Variants in ARMC5 observed in about 807,000 individuals in gnomAD.
ARMC5 encodes the protein armadillo repeat-containing protein 5.
In ARMC5, 28 loss-of-function variants were observed where a neutral mutation model predicts 60.5. That is an observed-to-expected ratio of 0.46 (90% CI 0.34 to 0.63). The LOEUF is 0.63. Ranked by LOEUF, ARMC5 falls within the 30% of genes least tolerant of loss-of-function variation. The pLI is 0.01. For synonymous variants in ARMC5, 680 were observed against 607.3 expected (o/e 1.12, Z -1.76); for missense variants, 1,189 against 1,304.9 (o/e 0.91, Z 1.37).
chr16:31,466,440 A>T lies in ARMC5; in HGVS notation c.2359A>T (p.Met787Leu), dbSNP rs1417024313. 4 of 1,611,890 alleles carry T rather than the reference A, an allele frequency of 2.5e-6. No individual in the cohort carries two copies. The highest frequency in any genetic ancestry group is 2.5e-6 in the Non-Finnish European group (3 of 1,179,850). ...LLSGSFAEAQ[M>L]DLVPLRGLSP... ...GTCAGGCAGCTTTGCAGAAGCCCAGATGGACCTGGTGCCCCTGCGAGGTCT... is the reference window on the plus strand; with the variant it reads ...GTCAGGCAGCTTTGCAGAAGCCCAGTTGGACCTGGTGCCCCTGCGAGGTCT... The change falls in exon 6 of 6, where the codon ATG becomes TTG. Residue 787 changes from methionine (M) to leucine (L), a missense_variant. Physicochemically the swap from Met to Leu is conservative, Grantham distance 15. Transcript: ENST00000268314. The surrounding 1 kb of genome is among the most constrained non-coding windows in gnomAD (Gnocchi z 8.0).
rs765443482 is a variant in ARMC5, at chr16:31,466,040, C to T, written c.1998-39C>T. ...GGGAGGAGTGCTGTGTTTCCCAGGC[C>T]CGTTGCCCACCTTTTGAAAGGCCCT... On this transcript the variant is annotated intron_variant, in intron 5 of 5. Coordinates refer to ENST00000268314, the MANE Select transcript of ARMC5 (RefSeq NM_001105247.2). The surrounding 1 kb of genome is among the most constrained non-coding windows in gnomAD (Gnocchi z 8.0). The T allele has an allele frequency of 6.3e-7, 1 of 1,591,988 alleles. No individual in the cohort carries two copies. The highest frequency in any genetic ancestry group is 8.5e-7 in the Non-Finnish European group (1 of 1,175,346).
chr16:31,460,101 C>A, intron 1 of ARMC5, 102 bp downstream of exon 1: 1 of 1,297,724 alleles, frequency 7.7e-7, no homozygotes, highest in Non-Finnish European at 1.1e-6. Flanking sequence ...CCCGGAATAA[C>A]GTGCTTTGTG....
chr16:31,465,574 C>G (rs922860019), intron 4 of ARMC5: 1 of 1,264,394 alleles, frequency 7.9e-7, no homozygotes, highest in Non-Finnish European at 1.0e-6. Flanking sequence ...TTGTATTATA[C>G]TGGAACAGCT....
upstream of ARMC5, chr16:31,458,725 A>AGG (rs1340454933): frequency 2.0e-6 from 3 of 1,469,140 alleles, no homozygotes; most frequent in African/African-American, 4.2e-5. Context: ...CTCGCAATCC[A>AGG]GGGGTGACCT....
Position 31,462,024 on chromosome 16 carries a change from G to C in ARMC5, c.578G>C (p.Cys193Ser). 1 of 1,614,176 alleles carries C rather than the reference G, an allele frequency of 6.2e-7. No individual in the cohort carries two copies. The highest frequency in any genetic ancestry group is 8.5e-7 in the Non-Finnish European group (1 of 1,180,002). Residue 193 changes from cysteine (C) to serine (S), a missense_variant, in exon 2 of 6, where the codon TGT (cysteine) becomes TCT (serine). By Grantham distance (112) the Cys-to-Ser change is moderately radical. This residue lies in a region of ARMC5 where 862 missense variants were observed against 1,071.2 expected (regional missense o/e 0.80). Transcript: ENST00000268314. The surrounding 1 kb of genome is among the most constrained non-coding windows in gnomAD (Gnocchi z 7.2). ...MEPESCGDIHCAGAVPLLVES... is the reference protein window; with the variant it reads ...MEPESCGDIHSAGAVPLLVES... ...CCTGAGAGCTGTGGGGACATCCACT[G>C]TGCTGGTAAGAGGCTGTGAGGTTGG...
Position 31,465,870 on chromosome 16 carries a change from C to G in ARMC5, c.1885C>G (p.Leu629Val), listed in dbSNP as rs778930011. Residue 629 changes from leucine to valine, a missense_variant, in exon 5 of 6, where the codon CTG becomes GTG. Coordinates refer to ENST00000268314, the MANE Select transcript of ARMC5 (RefSeq NM_001105247.2). Reference sequence around the variant, plus strand: ...CACAGGGGAGAGGCTACTGCAGAACCTGACGGTTCAGGCTGAGTCGCCCTT... The same window carrying G: ...CACAGGGGAGAGGCTACTGCAGAACGTGACGGTTCAGGCTGAGTCGCCCTT... Reference protein sequence around the residue: ...RELGERLLQNLTVQAESPFGV... With the variant: ...RELGERLLQNVTVQAESPFGV... 4.3e-6 allele frequency: 7 copies of G among 1,609,694 alleles called. No individual in the cohort carries two copies. Among genetic ancestry groups the G allele is most frequent in the Non-Finnish European group, 5.9e-6 (7 of 1,179,850 alleles).
intron 1 of ARMC5, among the ~76,000 whole-genome samples, chr16:31,461,588 A>G (rs1596601816): frequency 6.6e-6 from 1 of 152,056 alleles, no homozygotes; most frequent in Non-Finnish European, 1.5e-5. Flanking sequence ...GCTTACTGCA[A>G]CCTCTGCCTC....
At chr16:31,459,268 G>C (rs1211183657), upstream of ARMC5, 1 of 1,533,970 alleles carries the variant, frequency 6.5e-7, no homozygotes, top group Non-Finnish European at 8.7e-7. Context: ...CCCGAGGTAG[G>C]CGTGAGAAGC....
Position 31,466,075 on chromosome 16 carries a change from G to T in ARMC5, c.1998-4G>T. ...CCTTTTGAAAGGCCCTCTCTTCCCTGTAGGAAGCCCTCTCTGTGGCGCCGG... is the reference window on the plus strand; with the variant it reads ...CCTTTTGAAAGGCCCTCTCTTCCCTTTAGGAAGCCCTCTCTGTGGCGCCGG... On this transcript the variant is annotated splice_polypyrimidine_tract_variant and splice_region_variant and intron_variant, in intron 5 of 5. Coordinates refer to ENST00000268314, the MANE Select transcript of ARMC5 (RefSeq NM_001105247.2). The surrounding 1 kb of genome is among the most constrained non-coding windows in gnomAD (Gnocchi z 8.0). 6.3e-7 allele frequency: 1 copy of T among 1,597,248 alleles called. No individual in the cohort carries two copies. Among genetic ancestry groups the T allele is most frequent in the Non-Finnish European group, 8.5e-7 (1 of 1,178,048 alleles).
In ARMC5 at chr16:31,466,184, C is replaced by G; in HGVS notation, c.2103C>G (p.Ala701=). The change falls in exon 6 of 6, where the codon GCC becomes GCG. Residue 701 remains alanine, a synonymous_variant. Coordinates refer to ENST00000268314, the MANE Select transcript of ARMC5 (RefSeq NM_001105247.2). The surrounding 1 kb of genome is among the most constrained non-coding windows in gnomAD (Gnocchi z 8.0). ...PAPHPLFLFF[A]ADSLSCLQDL... is the part of the protein sequence containing the mutation. ...CACACCCGCTCTTCCTCTTCTTTGC[C>G]GCGGACTCCCTTTCCTGCCTCCAAG... 6.2e-7 allele frequency: 1 copy of G among 1,612,266 alleles called. No individual in the cohort carries two copies. The highest frequency in any genetic ancestry group is 1.1e-5 in the South Asian group (1 of 91,086).
rs746016709 is a variant in ARMC5 at position 31,462,350 on chromosome 16, G to T, written c.803G>T (p.Gly268Val). 8 of 1,610,700 alleles carry T rather than the reference G, an allele frequency of 5.0e-6. No individual in the cohort carries two copies. The South Asian group carries it at 7.7e-5, about 15-fold the overall frequency. Residue 268 changes from glycine to valine, a missense_variant, in exon 3 of 6, where the codon GGC becomes GTC. Transcript: ENST00000268314. The surrounding 1 kb of genome is among the most constrained non-coding windows in gnomAD (Gnocchi z 7.2). ...CGTGCCCTCCTGGAACTCAGCCGAG[G>T]CTGCTCCCGGGCCTGTGCTGAGCAG... ...LVRALLELSRGCSRACAEQLS... is the reference protein window; with the variant it reads ...LVRALLELSRVCSRACAEQLS...
chr16:31,465,217 AC>A, intron 4 of ARMC5: 2 of 1,557,762 alleles, frequency 1.3e-6, no homozygotes, highest in Non-Finnish European at 1.7e-6. Flanking sequence ...CCCCACCAGC[AC>A]GCTGACCTGT....
At position 31,464,371 on chromosome 16, in the gene ARMC5, C is replaced by T. The variant is rs1303502948; in HGVS notation, c.1371-23C>T. The T allele has an allele frequency of 6.7e-7, 1 of 1,500,310 alleles. No individual in the cohort carries two copies. Among genetic ancestry groups the T allele is most frequent in the East Asian group, 2.4e-5 (1 of 42,284 alleles). The allele number at this position is 1,500,310 out of a possible 1,614,324, so 92.9% of individuals were successfully genotyped here. A position where few individuals can be genotyped will look rare whatever the true frequency, so the allele number is the denominator to read the frequency against. ...TTAACCTTGGCTCTGGGTTCAGTCT[C>T]CTTCCCTTTCTGCCCTCCGCAGGTC... On this transcript the variant is annotated intron_variant, in intron 3 of 5. Coordinates refer to ENST00000268314, the MANE Select transcript of ARMC5 (RefSeq NM_001105247.2). This position sits in a 1 kb window ranked among gnomAD's most constrained non-coding sequence, Gnocchi z 7.6.
In ARMC5 at chr16:31,462,397, G is replaced by T; in HGVS notation, c.850G>T (p.Gly284Cys). 4.3e-6 allele frequency: 7 copies of T among 1,609,634 alleles called. No homozygotes were observed. The highest frequency in any genetic ancestry group is 5.9e-6 in the Non-Finnish European group (7 of 1,177,272). ...AEQLSLGGGLGPLVSLASHPK... is the reference protein window; with the variant it reads ...AEQLSLGGGLCPLVSLASHPK... ...GCAGCTAAGTCTGGGTGGGGGATTG[G>T]GCCCACTCGTCAGCCTGGCTTCCCA... is the stretch of plus-strand genomic sequence containing the variant. The change falls in exon 3 of 6, where the codon GGC becomes TGC. Residue 284 changes from glycine (G) to cysteine (C), a missense_variant. By Grantham distance (159) the Gly-to-Cys change is radical (BLOSUM62 -3). Coordinates refer to ENST00000268314, the MANE Select transcript of ARMC5 (RefSeq NM_001105247.2). The surrounding 1 kb of genome is among the most constrained non-coding windows in gnomAD (Gnocchi z 7.2).
At position 31,466,071 on chromosome 16, in the gene ARMC5, C is replaced by T. The variant is rs1268042061; in HGVS notation, c.1998-8C>T. 1 of 1,596,490 alleles carries T rather than the reference C, an allele frequency of 6.3e-7. No homozygotes were observed. The highest frequency in any genetic ancestry group is 1.7e-5 in the Admixed American group (1 of 59,200). ...CCCACCTTTTGAAAGGCCCTCTCTT[C>T]CCTGTAGGAAGCCCTCTCTGTGGCG... On this transcript the variant is annotated splice_polypyrimidine_tract_variant and splice_region_variant and intron_variant, in intron 5 of 5. Coordinates refer to ENST00000268314, the MANE Select transcript of ARMC5 (RefSeq NM_001105247.2). This position sits in a 1 kb window ranked among gnomAD's most constrained non-coding sequence, Gnocchi z 8.0.
upstream of ARMC5, chr16:31,459,047 C>T (rs1017144147): frequency 6.6e-7 from 1 of 1,514,414 alleles, no homozygotes; most frequent in Non-Finnish European, 8.8e-7. Flanking sequence ...GGACCCCGCA[C>T]TTTCGGCCCG....
rs200215311 is a variant in ARMC5 at position 31,464,917 on chromosome 16, C to T, written c.1864+30C>T. 1.2e-6 allele frequency: 2 copies of T among 1,610,610 alleles called. No homozygotes were observed. The highest frequency in any genetic ancestry group is 1.7e-6 in the Non-Finnish European group (2 of 1,179,588). ...GTTCCCATACCCACCCGTCTCCTTG[C>T]CCCCATGTGAGTCCCCATCCTCCCC... is the stretch of plus-strand genomic sequence containing the variant. On this transcript the variant is annotated intron_variant, in intron 4 of 5. Transcript: ENST00000268314. This position sits in a 1 kb window ranked among gnomAD's most constrained non-coding sequence, Gnocchi z 7.6.
chr16:31,459,781 A>G lies in ARMC5; in HGVS notation c.257A>G (p.Gln86Arg). 1.9e-6 allele frequency: 3 copies of G among 1,540,694 alleles called. No individual in the cohort carries two copies. The highest frequency in any genetic ancestry group is 2.6e-6 in the Non-Finnish European group (3 of 1,150,144). Residue 86 changes from glutamine to arginine, a missense_variant, in exon 1 of 6, where the codon CAG (glutamine) becomes CGG (arginine). By Grantham distance (43) the Gln-to-Arg change is conservative. Transcript: ENST00000268314. ...RAAAAGSAPS[Q>R]AGPGSAPSSA... ...GCTGCAGCGGGTTCCGCCCCGTCCC[A>G]GGCAGGCCCCGGCTCCGCCCCCTCG...
chr16:31,467,040 A>C lies in ARMC5; in HGVS notation c.*151A>C. The C allele has an allele frequency of 1.9e-6, 2 of 1,077,994 alleles. No individual in the cohort carries two copies. The highest frequency in any genetic ancestry group is 2.3e-5 in the South Asian group (1 of 43,908). The allele number at this position is 1,077,994 out of a possible 1,614,324, so 66.8% of individuals were successfully genotyped here. ...CGGACTCCAAGATGACGATCTAAAG[A>C]CCCGGGAGCGAGAAGCCAAGGCCAG... On this transcript the variant is annotated 3_prime_UTR_variant, in exon 6 of 6. Coordinates refer to ENST00000268314, the MANE Select transcript of ARMC5 (RefSeq NM_001105247.2).
Sources: gnomAD v4.1 joint callset for allele counts (sites outside exome capture counted in the v4.1 genomes callset) on GRCh38, gnomAD v4.1.1 for gene constraint, gnomAD v4.1.1 regional missense constraint, Gnocchi (gnomAD v3.1) non-coding constraint, MANE v1.5 for transcripts, NCBI Gene and HGNC (gene_info 2026-07-23, HGNC 2026-07-21) for gene names.